Variants in TLK1 observed in about 807,000 individuals in gnomAD.
The protein encoded by TLK1 is serine/threonine-protein kinase tousled-like 1.
TLK1 carries 24 observed loss-of-function variants against 105.3 expected under a neutral mutation model. The observed-to-expected ratio is 0.23, with a 90% CI of 0.17 to 0.32. The LOEUF (loss-of-function observed/expected upper bound fraction) is 0.32, where lower values mean the gene tolerates loss of function less well. TLK1 is among the 10% of genes least tolerant of loss of function. TLK1 has a pLI of 1.00. For missense variants in TLK1, 558 were observed against 910.5 expected, an observed-to-expected ratio of 0.61 and a Z score of 4.98; for synonymous variants, 321 against 310.4, an observed-to-expected ratio of 1.03 and a Z score of -0.36.
intron 1 of TLK1, among the ~76,000 whole-genome samples, chr2:171,170,158 T>TTACTGC (rs963205524): frequency 7.2e-5 from 11 of 152,012 alleles, no homozygotes; most frequent in African/African-American, 2.7e-4. Flanking sequence ...ATCCAATACT[T>TTACTGC]TACTGCTTAT....
intron 2 of TLK1, among the ~76,000 whole-genome samples, chr2:171,114,513 C>A (rs1167379742): frequency 1.3e-5 from 2 of 152,046 alleles, no homozygotes; most frequent in Non-Finnish European, 2.9e-5. Flanking sequence ...GAGGAATAGC[C>A]AAGCCAAAGA....
chr2:171,055,190 A>G lies in TLK1; in HGVS notation c.550-18T>C, dbSNP rs1558912764. 1 of 1,070,968 alleles carries G rather than the reference A, an allele frequency of 9.3e-7. No homozygotes were observed. Among genetic ancestry groups the G allele is most frequent in the Non-Finnish European group, 1.3e-6 (1 of 783,636 alleles). The allele number at this position is 1,070,968 out of a possible 1,614,324, so 66.3% of individuals were successfully genotyped here. A position where few individuals can be genotyped will look rare whatever the true frequency, so the allele number is the denominator to read the frequency against. The stretch of plus-strand genomic sequence containing the variant: ...GGTCGAACCTAAAGAAATTATTAAA[A>G]TTTTTATATTAGCAAAAAAAAAAAA... On this transcript the variant is annotated intron_variant, in intron 6 of 20. Transcript: ENST00000431350.
intron 1 of TLK1, among the ~76,000 whole-genome samples, chr2:171,145,063 C>CT (rs1691736107): frequency 1.3e-5 from 2 of 152,206 alleles, no homozygotes; most frequent in East Asian, 3.8e-4. Flanking sequence ...AATCCCAGCA[C>CT]TTTAGGAAGC....
upstream of TLK1, among the ~76,000 whole-genome samples, chr2:171,162,538 T>A (rs1255102773): frequency 6.6e-6 from 1 of 152,152 alleles, no homozygotes; most frequent in Non-Finnish European, 1.5e-5. Flanking sequence ...ACTCCTAGAC[T>A]CTGTCTCAAA....
chr2:171,229,817 TC>T (rs547238064), intron 1 of TLK1, among the ~76,000 whole-genome samples: 51 of 152,320 alleles, frequency 3.3e-4, no homozygotes, highest in South Asian at 1.0e-3. Context: ...TGCTGTGCCA[TC>T]TTGGGTCATT....
At position 171,043,206 on chromosome 2, in the gene TLK1, C is replaced by G. The variant is rs555817122; in HGVS notation, c.1169+2968G>C. Among the ~76,000 whole-genome samples the G allele has an allele frequency of 5.3e-5, 8 of 152,260 alleles. No homozygotes were observed. The East Asian group carries it at 1.5e-3, about 29-fold the overall frequency. On this transcript the variant is annotated intron_variant, in intron 11 of 20. Coordinates refer to ENST00000431350, the MANE Select transcript of TLK1 (RefSeq NM_012290.5). Reference sequence around the variant, plus strand: ...GCTGCGACTGAAGAGATAGAGGGTACTTACTATGGTGATACCTCAAAGTAA... The same window carrying G: ...GCTGCGACTGAAGAGATAGAGGGTAGTTACTATGGTGATACCTCAAAGTAA...
intron 1 of TLK1, among the ~76,000 whole-genome samples, chr2:171,206,096 AC>A (rs1475278224): frequency 6.6e-6 from 1 of 152,248 alleles, no homozygotes; most frequent in African/African-American, 2.4e-5. Flanking sequence ...AAGAAATACA[AC>A]TGAAGATGGG....
intron 1 of TLK1, among the ~76,000 whole-genome samples, chr2:171,142,597 C>T (rs1691625079): frequency 6.6e-6 from 1 of 152,114 alleles, no homozygotes; most frequent in Non-Finnish European, 1.5e-5. Context: ...GACTTGTCAG[C>T]ACTTTAACAT....
intron 1 of TLK1, among the ~76,000 whole-genome samples, chr2:171,156,269 A>G (rs1297754738): frequency 1.3e-5 from 2 of 152,230 alleles, no homozygotes; most frequent in Non-Finnish European, 2.9e-5. Flanking sequence ...GTAAGCCAGA[A>G]ATCAAGGTGA....
intron 1 of TLK1, among the ~76,000 whole-genome samples, chr2:171,213,877 C>T (rs1165714466): frequency 3.4e-5 from 5 of 148,672 alleles, no homozygotes; most frequent in Non-Finnish European, 1.5e-5. Context: ...CACATGCCAC[C>T]ATGCCCAGCA....
At chr2:171,228,393 T>C (rs1270968721) in intron 1 of TLK1, among the ~76,000 whole-genome samples, 2 of 151,884 alleles carry the variant, frequency 1.3e-5, no homozygotes, top group African/African-American at 4.8e-5. Flanking sequence ...ATCTCTGAAA[T>C]AATTTTTTAA....
rs571890429 is a variant in TLK1 at position 171,103,264 on chromosome 2, T to TTATATATATATATA, written c.258+14461_258+14474dup. Among the ~76,000 whole-genome samples the TTATATATATATATA allele has an allele frequency of 6.8e-3, 929 of 136,476 alleles. 37 individuals are homozygous for TTATATATATATATA. The highest frequency in any genetic ancestry group is 0.025 in the African/African-American group (816 of 32,502). The allele number at this position is 136,476 out of a possible 152,430, so 89.5% of individuals were successfully genotyped here. ...GTTAAGAAAAAAATTGATCTCAAAT[T>TTATATATATATATA]TATATATATATATATATAATTTTTT... On this transcript the variant is annotated intron_variant, in intron 2 of 20. Transcript: ENST00000431350.
chr2:171,027,896 C>T (rs763471201), intron 12 of TLK1, among the ~76,000 whole-genome samples: 23 of 152,154 alleles, frequency 1.5e-4, no homozygotes, highest in Non-Finnish European at 2.9e-4. Context: ...GGTGCGACAG[C>T]TCATGCCTGT....
At chr2:171,174,571 T>C (rs930809715) in intron 1 of TLK1, among the ~76,000 whole-genome samples, 8 of 152,202 alleles carry the variant, frequency 5.3e-5, no homozygotes. Flanking sequence ...TAATCTTTAT[T>C]ATATCACTTA....
chr2:171,225,129 A>T (rs190879161), intron 1 of TLK1, among the ~76,000 whole-genome samples: 1 of 152,312 alleles, frequency 6.6e-6, no homozygotes, highest in Admixed American at 6.5e-5. Flanking sequence ...TGATAAAAAA[A>T]ATACACTGGG....
intron 1 of TLK1, among the ~76,000 whole-genome samples, chr2:171,171,677 C>CA (rs1191591306): frequency 6.6e-6 from 1 of 151,012 alleles, no homozygotes; most frequent in Non-Finnish European, 1.5e-5. Context: ...AGTTGCTTCA[C>CA]AAAAAAGAAT....
intron 1 of TLK1, among the ~76,000 whole-genome samples, chr2:171,126,516 T>C (rs775044674): frequency 9.2e-5 from 14 of 152,214 alleles, no homozygotes; most frequent in Non-Finnish European, 1.3e-4. Flanking sequence ...GGAATCATTT[T>C]TTCATTATAT....
chr2:171,176,655 G>A (rs12477555), intron 1 of TLK1, among the ~76,000 whole-genome samples: 7,360 of 152,076 alleles, frequency 0.048, 464 homozygotes, highest in East Asian at 0.3. Flanking sequence ...CTAGGCTACC[G>A]TCATCTCTTA....
intron 14 of TLK1, among the ~76,000 whole-genome samples, chr2:171,009,642 C>T (rs1684813807): frequency 6.6e-6 from 1 of 152,026 alleles, no homozygotes; most frequent in South Asian, 2.1e-4. Context: ...TATCTCAGCA[C>T]CTATGTTCTA....
Sources: gnomAD v4.1 joint callset for allele counts (sites outside exome capture counted in the v4.1 genomes callset) on GRCh38, gnomAD v4.1.1 for gene constraint, MANE v1.5 for transcripts, NCBI Gene and HGNC (gene_info 2026-07-23, HGNC 2026-07-21) for gene names.